APOBEC3H: variants seen among roughly 807,000 people sequenced by gnomAD.
APOBEC3H encodes apolipoprotein B mRNA editing enzyme catalytic subunit 3H, also known as DNA dC->dU-editing enzyme APOBEC-3H.
A neutral mutation model predicts 21.2 loss-of-function variants in APOBEC3H; 8 were observed. That is an observed-to-expected ratio of 0.38 (90% CI 0.22 to 0.68). APOBEC3H has a LOEUF of 0.68. Ranked by LOEUF, APOBEC3H falls within the 30% of genes least tolerant of loss-of-function variation. The pLI is 0.52. For synonymous variants in APOBEC3H, 88 were observed against 91.0 expected (o/e 0.97, Z 0.19); for missense variants, 229 against 228.1 (o/e 1.00, Z -0.03).
chr22:39,100,238 C>G (rs771307499), intron 1 of APOBEC3H, 34 bp from the exon 2 acceptor site: 7 of 1,598,980 alleles, frequency 4.4e-6, no homozygotes, highest in South Asian at 3.3e-5. Flanking sequence ...AGGACGCTCC[C>G]TTCATCTTTG....
intron 4 of APOBEC3H, chr22:39,102,721 GC>G: frequency 1.7e-6 from 1 of 581,196 alleles, no homozygotes; most frequent in East Asian, 3.0e-5. Context: ...AATTAACTCG[GC>G]CAGGCACAGT....
At chr22:39,099,562 T>C (rs1324932423) in intron 1 of APOBEC3H, among the ~76,000 whole-genome samples, 1 of 152,156 alleles carries the variant, frequency 6.6e-6, no homozygotes, top group Non-Finnish European at 1.5e-5. Flanking sequence ...CAGAGGCGTG[T>C]GAGCAGCTCA....
intron 2 of APOBEC3H, 69 bp from the exon 3 acceptor site, chr22:39,101,167 CG>C: frequency 9.5e-7 from 1 of 1,051,250 alleles, no homozygotes; most frequent in Non-Finnish European, 1.3e-6. Context: ...TCCCGGCCCC[CG>C]CCCCCAGTCA....
chr22:39,101,887 G>C (rs1390624484), intron 3 of APOBEC3H, 31 bp from the exon 4 acceptor site: 2 of 1,613,744 alleles, frequency 1.2e-6, no homozygotes, highest in South Asian at 1.1e-5. Flanking sequence ...GCTGCCCCTG[G>C]GGCCTGGCTG....
chr22:39,100,445 C>A lies in APOBEC3H; in HGVS notation c.150+17C>A, dbSNP rs750491882. On this transcript the variant is annotated intron_variant, in intron 2 of 4. Transcript: ENST00000442487. ...GAAAACAAGGTGCCACACGGGCTCT[C>A]TGGGCACAGGGCCGGCAGGGGCTAA... 1 of 1,611,214 alleles carries A rather than the reference C, an allele frequency of 6.2e-7. No individual in the cohort carries two copies. Among genetic ancestry groups the A allele is most frequent in the Admixed American group, 1.7e-5 (1 of 59,972 alleles).
chr22:39,104,047 T>A lies in APOBEC3H; in HGVS notation c.*350T>A, dbSNP rs898412540. 1 of 343,964 alleles carries A rather than the reference T, an allele frequency of 2.9e-6. No individual in the cohort carries two copies. The highest frequency in any genetic ancestry group is 5.4e-6 in the Non-Finnish European group (1 of 185,648). 21.3% of individuals were successfully genotyped at this position (343,964 alleles called of 1,614,324 possible). Reference sequence around the variant, plus strand: ...TTGGGAGGCTGAGATGCTCGGCCAATAAATTTCTATTGTTTATGAATCACC... The same window carrying A: ...TTGGGAGGCTGAGATGCTCGGCCAAAAAATTTCTATTGTTTATGAATCACC... On this transcript the variant is annotated 3_prime_UTR_variant, in exon 5 of 5. Coordinates refer to ENST00000442487, the MANE Select transcript of APOBEC3H (RefSeq NM_181773.5).
chr22:39,099,861 G>C (rs1272721700), intron 1 of APOBEC3H, among the ~76,000 whole-genome samples: 1 of 152,186 alleles, frequency 6.6e-6, no homozygotes. Context: ...CCAAGGGGAA[G>C]GGCCCAAATG....
At chr22:39,101,871 G>A in intron 3 of APOBEC3H, 47 bp from the exon 4 acceptor site, 1 of 1,613,550 alleles carries the variant, frequency 6.2e-7, no homozygotes, top group South Asian at 1.1e-5. Context: ...TCCTGGCACT[G>A]CAGCTGCTGC....
At position 39,099,777 on chromosome 22, in the gene APOBEC3H, C is replaced by A. The variant is rs1342470809; in HGVS notation, c.-7-495C>A. Reference sequence around the variant, plus strand: ...GAGGGAGCACTCCCCTCCTCCTGTCCTCCTGCCAGCCCTTCCTTCCCCTGC... The same window carrying A: ...GAGGGAGCACTCCCCTCCTCCTGTCATCCTGCCAGCCCTTCCTTCCCCTGC... On this transcript the variant is annotated intron_variant, in intron 1 of 4. Transcript: ENST00000442487. 2.0e-5 allele frequency among the ~76,000 whole-genome samples: 3 copies of A among 152,170 alleles called. No individual in the cohort carries two copies. In the South Asian group the frequency reaches 6.2e-4, roughly 32 times the overall value.
At position 39,101,300 on chromosome 22, in the gene APOBEC3H, C is replaced by A. The variant is rs1258121687; in HGVS notation, c.214C>A (p.Gln72Lys). Residue 72 changes from glutamine (Q) to lysine (K), a missense_variant, in exon 3 of 5, where the codon CAG becomes AAG. Gln to Lys is a moderately conservative substitution (Grantham distance 53, BLOSUM62 1). Transcript: ENST00000442487. ...CAAGTCCATGGGACTGGACGAAACG[C>A]AGTGCTACCAAGTCACCTGTTACCT... ...EIKSMGLDET[Q>K]CYQVTCYLTW... is the part of the protein sequence containing the mutation. The A allele has an allele frequency of 4.3e-6, 7 of 1,613,640 alleles. No homozygotes were observed. In the East Asian group the frequency reaches 1.6e-4, roughly 36 times the overall value.
intron 4 of APOBEC3H, among the ~76,000 whole-genome samples, chr22:39,103,205 G>A (rs5750744): frequency 0.15 from 22,318 of 151,610 alleles, 2,092 homozygotes; most frequent in East Asian, 0.39. Context: ...GAGATTGCAT[G>A]AGTTCAGGGA....
In APOBEC3H at chr22:39,101,926, G is replaced by A. The variant is rs1929379643; in HGVS notation, c.427G>A (p.Asp143Asn). The change falls in exon 4 of 5, where the codon GAC becomes AAC. Residue 143 changes from aspartate to asparagine, a missense_variant. Asp to Asn is a conservative substitution (Grantham distance 23, BLOSUM62 1). Transcript: ENST00000442487. ...VEVMGFPEFA[D>N]CWENFVDHEK... ...TCCCTCTTCCCTCTCAGAGTTTGCT[G>A]ACTGCTGGGAAAACTTTGTGGACCA... The A allele has an allele frequency of 6.2e-7, 1 of 1,613,872 alleles. No individual in the cohort carries two copies. Among genetic ancestry groups the A allele is most frequent in the Non-Finnish European group, 8.5e-7 (1 of 1,179,912 alleles).
At chr22:39,100,598 T>A in intron 2 of APOBEC3H, 170 bp downstream of exon 2, 1 of 896,342 alleles carries the variant, frequency 1.1e-6, no homozygotes, top group South Asian at 1.8e-5. Flanking sequence ...TGGATCTGAG[T>A]GGCCCAGTTT....
At position 39,101,257 on chromosome 22, in the gene APOBEC3H, T is replaced by C. The variant is rs1192837758; in HGVS notation, c.171T>C (p.Ile57=). 1 of 1,608,770 alleles carries C rather than the reference T, an allele frequency of 6.2e-7. No individual in the cohort carries two copies. Among genetic ancestry groups the C allele is most frequent in the Non-Finnish European group, 8.5e-7 (1 of 1,177,028 alleles). The stretch of plus-strand genomic sequence containing the variant: ...CCCAGAAAAAGTGCCATGCAGAAAT[T>C]TGCTTTATTAACGAGATCAAGTCCA... The part of the protein sequence containing the change: ...FENKKKCHAE[I]CFINEIKSMG... Residue 57 remains isoleucine, a synonymous_variant, in exon 3 of 5, where the codon ATT becomes ATC. Coordinates refer to ENST00000442487, the MANE Select transcript of APOBEC3H (RefSeq NM_181773.5).
chr22:39,103,334 C>T (rs1283448358), intron 4 of APOBEC3H, among the ~76,000 whole-genome samples: 1 of 152,080 alleles, frequency 6.6e-6, no homozygotes, highest in Non-Finnish European at 1.5e-5. Flanking sequence ...AATGTAAGAC[C>T]TCAAACTATA....
Position 39,103,723 on chromosome 22 carries a change from T to C in APOBEC3H, c.*26T>C. The C allele has an allele frequency of 6.2e-7, 1 of 1,613,896 alleles. No homozygotes were observed. Among genetic ancestry groups the C allele is most frequent in the Non-Finnish European group, 8.5e-7 (1 of 1,179,772 alleles). On this transcript the variant is annotated 3_prime_UTR_variant, in exon 5 of 5. Coordinates refer to ENST00000442487, the MANE Select transcript of APOBEC3H (RefSeq NM_181773.5). Reference sequence around the variant, plus strand: ...AGTGTGGATGTTTTAGAGAATGACTTAAGAAGTTTGCAGCTTGGACCCGTA... The same window carrying C: ...AGTGTGGATGTTTTAGAGAATGACTCAAGAAGTTTGCAGCTTGGACCCGTA...
At chr22:39,102,707 C>A in intron 4 of APOBEC3H, 1 of 549,122 alleles carries the variant, frequency 1.8e-6, no homozygotes. Context: ...TCACCATATA[C>A]AAAAATTAAC....
Position 39,103,918 on chromosome 22 carries a change from T to C in APOBEC3H, c.*221T>C. The C allele has an allele frequency of 6.7e-6, 4 of 594,128 alleles. No homozygotes were observed. Among genetic ancestry groups the C allele is most frequent in the Non-Finnish European group, 1.2e-5 (4 of 331,746 alleles). The allele number at this position is 594,128 out of a possible 1,614,324, so 36.8% of individuals were successfully genotyped here. A position where few individuals can be genotyped will look rare whatever the true frequency, so the allele number is the denominator to read the frequency against. The stretch of plus-strand genomic sequence containing the variant: ...CCTTCCTTTCCTCCTTTTTCCATAT[T>C]GCTTTCTGTTCTAAGTGGGTGAATA... On this transcript the variant is annotated 3_prime_UTR_variant, in exon 5 of 5. Coordinates refer to ENST00000442487, the MANE Select transcript of APOBEC3H (RefSeq NM_181773.5).
Position 39,101,227 on chromosome 22 carries a change from C to T in APOBEC3H, c.151-10C>T, listed in dbSNP as rs760503179. The T allele has an allele frequency of 7.0e-7, 1 of 1,420,108 alleles. No individual in the cohort carries two copies. Among genetic ancestry groups the T allele is most frequent in the Non-Finnish European group, 9.5e-7 (1 of 1,058,152 alleles). 88.0% of individuals were successfully genotyped at this position (1,420,108 alleles called of 1,614,324 possible). A position where few individuals can be genotyped will look rare whatever the true frequency, so the allele number is the denominator to read the frequency against. On this transcript the variant is annotated splice_polypyrimidine_tract_variant and intron_variant, in intron 2 of 4. Coordinates refer to ENST00000442487, the MANE Select transcript of APOBEC3H (RefSeq NM_181773.5). ...TCCCCTCCCTTCTCTCTGTTTGGGA[C>T]CCTCCCCAGAAAAAGTGCCATGCAG...
Sources: gnomAD v4.1 joint callset for allele counts (sites outside exome capture counted in the v4.1 genomes callset) on GRCh38, gnomAD v4.1.1 for gene constraint, MANE v1.5 for transcripts, NCBI Gene and HGNC (gene_info 2026-07-23, HGNC 2026-07-21) for gene names.